Variants in IQGAP2 observed in about 807,000 individuals in gnomAD.
IQGAP2 encodes ras GTPase-activating-like protein IQGAP2.
Under a neutral mutation model 201.3 loss-of-function variants are expected in IQGAP2, and 173 were observed. The observed-to-expected ratio is 0.86, with a 90% CI of 0.76 to 0.98. The LOEUF is 0.98. Ranked by LOEUF, IQGAP2 falls within the 50% of genes least tolerant of loss-of-function variation. The probability of loss-of-function intolerance (pLI) is 0.00; values close to 1 mark genes in which losing one functional copy is unlikely to be tolerated. For synonymous variants in IQGAP2, 675 were observed against 673.9 expected (o/e 1.00, Z -0.03); for missense variants, 1,687 against 1,864.8 (o/e 0.90, Z 1.76).
At chr5:76,631,743 A>C (rs1750723301) in intron 14 of IQGAP2, 116 bp from the exon 15 acceptor site, 1 of 702,184 alleles carries the variant, frequency 1.4e-6, no homozygotes, top group African/African-American at 1.8e-5. Flanking sequence ...AAATATTCTC[A>C]AAGGGTAAAA....
At chr5:76,577,947 G>A (rs1263171233) in intron 5 of IQGAP2, among the ~76,000 whole-genome samples, 1 of 152,148 alleles carries the variant, frequency 6.6e-6, no homozygotes, top group East Asian at 1.9e-4. Context: ...AGTTTCCCTA[G>A]GAAGTTAAGC....
chr5:76,623,202 C>T (rs1749881625), intron 13 of IQGAP2: 1 of 1,614,150 alleles, frequency 6.2e-7, no homozygotes, highest in Non-Finnish European at 8.5e-7. Context: ...AAGCAGGAGG[C>T]CAGCAGCTGC....
At chr5:76,700,708 C>T (rs1456411803) in intron 33 of IQGAP2, among the ~76,000 whole-genome samples, 4 of 152,194 alleles carry the variant, frequency 2.6e-5, no homozygotes. Context: ...TAGATTAAAA[C>T]AGTCCTAGTA....
chr5:76,408,914 T>C (rs1409966716), intron 1 of IQGAP2, among the ~76,000 whole-genome samples: 1 of 152,066 alleles, frequency 6.6e-6, no homozygotes, highest in Non-Finnish European at 1.5e-5. Context: ...CATCTCAGCC[T>C]CCCAAGTAGC....
chr5:76,627,726 A>C (rs2150377100), intron 14 of IQGAP2, among the ~76,000 whole-genome samples: 1 of 152,354 alleles, frequency 6.6e-6, no homozygotes, highest in African/African-American at 2.4e-5. Flanking sequence ...GGTAAAAAAT[A>C]GTTTTTAAGC....
intron 2 of IQGAP2, among the ~76,000 whole-genome samples, chr5:76,521,174 T>C (rs1181383486): frequency 6.6e-6 from 1 of 152,234 alleles, no homozygotes; most frequent in East Asian, 1.9e-4. Context: ...TGATTTAAGT[T>C]TCTTTTACTG....
chr5:76,456,259 C>G (rs1754077848), intron 1 of IQGAP2, among the ~76,000 whole-genome samples: 1 of 152,178 alleles, frequency 6.6e-6, no homozygotes, highest in Non-Finnish European at 1.5e-5. Flanking sequence ...GGGTGGCAGT[C>G]TCTTTCATCG....
intron 2 of IQGAP2, among the ~76,000 whole-genome samples, chr5:76,515,547 T>C (rs1758262629): frequency 6.6e-6 from 1 of 152,144 alleles, no homozygotes; most frequent in African/African-American, 2.4e-5. Context: ...GAAAAGTAGT[T>C]GACTTGAAAG....
chr5:76,404,242 G>C (rs1337501139), intron 1 of IQGAP2, among the ~76,000 whole-genome samples: 1 of 152,130 alleles, frequency 6.6e-6, no homozygotes, highest in Non-Finnish European at 1.5e-5. Flanking sequence ...ACTAGGCTCC[G>C]GGGAATCCGG....
chr5:76,572,749 T>G (rs1745202840), intron 4 of IQGAP2, among the ~76,000 whole-genome samples: 1 of 152,170 alleles, frequency 6.6e-6, no homozygotes, highest in South Asian at 2.1e-4. Context: ...GTACAGCTAT[T>G]TTTAAAAAAT....
At chr5:76,409,844 T>G (rs1264401742) in intron 1 of IQGAP2, among the ~76,000 whole-genome samples, 8 of 152,232 alleles carry the variant, frequency 5.3e-5, no homozygotes, top group Non-Finnish European at 1.0e-4. Flanking sequence ...TCTCTTGAGA[T>G]GCAGTGTGGT....
chr5:76,442,559 G>A lies in IQGAP2; in HGVS notation c.47-19011G>A, dbSNP rs199641303. ...AGAGCCACAAGGCAGATATGAGGAC[G>A]CACCTGGTCACTCGTGCTACCTTGC... On this transcript the variant is annotated intron_variant, in intron 1 of 35. Coordinates refer to ENST00000274364, the MANE Select transcript of IQGAP2 (RefSeq NM_006633.5). Among the ~76,000 whole-genome samples, 16 of 152,286 alleles carry A rather than the reference G, an allele frequency of 1.1e-4. No homozygotes were observed. The East Asian group carries it at 2.1e-3, about 20-fold the overall frequency.
chr5:76,419,255 G>A (rs954808482), intron 1 of IQGAP2, among the ~76,000 whole-genome samples: 6 of 152,050 alleles, frequency 3.9e-5, no homozygotes, highest in Non-Finnish European at 7.4e-5. Context: ...CTCCCAAGTA[G>A]CTAGGACTAC....
intron 27 of IQGAP2, among the ~76,000 whole-genome samples, chr5:76,676,077 T>TCACACA (rs34099080): frequency 0.011 from 1,433 of 135,604 alleles, 21 homozygotes; most frequent in South Asian, 0.055. Flanking sequence ...TAAGACTCTG[T>TCACACA]CACACACACA....
intron 1 of IQGAP2, among the ~76,000 whole-genome samples, chr5:76,407,285 G>A (rs558209415): frequency 4.5e-4 from 69 of 152,188 alleles, no homozygotes; most frequent in Non-Finnish European, 7.8e-4. Context: ...TGAGCTTTTG[G>A]GTACTACTCT....
intron 17 of IQGAP2, among the ~76,000 whole-genome samples, chr5:76,649,694 G>T (rs910363854): frequency 1.3e-5 from 2 of 152,130 alleles, no homozygotes; most frequent in Non-Finnish European, 2.9e-5. Context: ...GGGTCTGGAG[G>T]ACAGTGGCCA....
intron 5 of IQGAP2, among the ~76,000 whole-genome samples, chr5:76,576,735 T>C (rs1011907164): frequency 2.0e-5 from 3 of 152,344 alleles, no homozygotes; most frequent in African/African-American, 7.2e-5. Context: ...TCAGTACTTA[T>C]GGGATTGCTT....
intron 2 of IQGAP2, among the ~76,000 whole-genome samples, chr5:76,528,254 G>A (rs985890708): frequency 3.3e-4 from 50 of 152,104 alleles, no homozygotes; most frequent in Middle Eastern, 3.4e-3. Context: ...TCACTGTCTC[G>A]CCTGCACAAT....
intron 5 of IQGAP2, among the ~76,000 whole-genome samples, chr5:76,581,641 C>T (rs1353788840): frequency 6.6e-6 from 1 of 152,156 alleles, no homozygotes; most frequent in Non-Finnish European, 1.5e-5. Flanking sequence ...AGCTTACGTG[C>T]TATTGATTCC....
Sources: allele counts gnomAD v4.1 joint callset (sites outside exome capture counted in the v4.1 genomes callset), GRCh38; gene constraint gnomAD v4.1.1; transcripts MANE v1.5; gene names NCBI Gene and HGNC (gene_info 2026-07-23, HGNC 2026-07-21).